Variants in TFR2 observed in about 807,000 individuals in gnomAD.
TFR2 encodes transferrin receptor 2.
TFR2 carries 64 observed loss-of-function variants against 91.9 expected under a neutral mutation model. The observed-to-expected ratio is 0.70, with a 90% CI of 0.57 to 0.86. The LOEUF is 0.86. Among genes scored for constraint, TFR2 ranks in the 40% least tolerant of loss-of-function variants. The pLI, the probability that TFR2 is intolerant of heterozygous loss-of-function variation, is 0.00. For synonymous variants in TFR2, 454 were observed against 459.6 expected (o/e 0.99, Z 0.15); for missense variants, 950 against 1,080.5 (o/e 0.88, Z 1.69).
intron 9 of TFR2, 52 bp from the exon 10 acceptor site, chr7:100,629,424 G>A: frequency 6.2e-7 from 1 of 1,610,242 alleles, no homozygotes; most frequent in South Asian, 1.1e-5. Context: ...CTGCACCCTG[G>A]GGGCATCCTC....
chr7:100,636,897 G>A (rs1364484128), intron 3 of TFR2, among the ~76,000 whole-genome samples: 1 of 151,954 alleles, frequency 6.6e-6, no homozygotes, highest in Non-Finnish European at 1.5e-5. Context: ...GCCACACCCC[G>A]CTTCTAGACC....
At chr7:100,626,617 T>C in intron 17 of TFR2, 146 bp downstream of exon 17, 1 of 1,464,066 alleles carries the variant, frequency 6.8e-7, no homozygotes, top group Non-Finnish European at 9.0e-7. Context: ...GCACTGCGTG[T>C]CCAGGACTGG....
intron 17 of TFR2, chr7:100,626,418 T>C: frequency 2.6e-6 from 3 of 1,146,212 alleles, no homozygotes; most frequent in Non-Finnish European, 3.2e-6. Context: ...GTGGACATGC[T>C]TTTTCTTTCC....
chr7:100,628,242 G>A lies in TFR2; in HGVS notation c.1455C>T (p.Gly485=). ...SWDGGDFGSV[G]STEWLEGYLS... ...GTATCACCTCTAGCCACTCCGTGGAGCCCACGCTTCCAAAGTCACCACCGT... is the reference window on the plus strand; with the variant it reads ...GTATCACCTCTAGCCACTCCGTGGAACCCACGCTTCCAAAGTCACCACCGT... The change falls in exon 11 of 18, where the codon GGC becomes GGT. Residue 485 remains glycine, a synonymous_variant. Coordinates refer to ENST00000223051, the MANE Select transcript of TFR2 (RefSeq NM_003227.4). 1 of 1,613,516 alleles carries A rather than the reference G, an allele frequency of 6.2e-7. No homozygotes were observed. The highest frequency in any genetic ancestry group is 8.5e-7 in the Non-Finnish European group (1 of 1,179,882).
At chr7:100,637,939 C>A (rs1175095551) in intron 3 of TFR2, among the ~76,000 whole-genome samples, 1 of 151,640 alleles carries the variant, frequency 6.6e-6, no homozygotes, top group Non-Finnish European at 1.5e-5. Flanking sequence ...TTAAGCGATT[C>A]TCCTGCTTCA....
In TFR2 at chr7:100,628,258, T is replaced by G; in HGVS notation, c.1439A>C (p.Asp480Ala). The change falls in exon 11 of 18, where the codon GAC becomes GCC. Residue 480 changes from aspartate (D) to alanine (A), a missense_variant. Physicochemically the swap from Asp to Ala is moderately radical, Grantham distance 126. Transcript: ENST00000223051. ...CTCCGTGGAGCCCACGCTTCCAAAG[T>G]CACCACCGTCCCAGCTGATGAAGAG... ...SLLFISWDGG[D>A]FGSVGSTEWL... 1 of 1,611,120 alleles carries G rather than the reference T, an allele frequency of 6.2e-7. No individual in the cohort carries two copies. The highest frequency in any genetic ancestry group is 8.5e-7 in the Non-Finnish European group (1 of 1,179,452).
rs1045712388 is a variant in TFR2, at chr7:100,637,207, C to G, written c.473+3479G>C. Reference sequence around the variant, plus strand: ...CTGAGGTCAGGAGTTCGAGACCAGACTGACCAACATGGAGAAACCCCATCT... The same window carrying G: ...CTGAGGTCAGGAGTTCGAGACCAGAGTGACCAACATGGAGAAACCCCATCT... On this transcript the variant is annotated intron_variant, in intron 3 of 17. Transcript: ENST00000223051. 2.0e-5 allele frequency among the ~76,000 whole-genome samples: 3 copies of G among 152,210 alleles called. No individual in the cohort carries two copies. The South Asian group carries it at 6.2e-4, about 32-fold the overall frequency.
chr7:100,633,642 G>C, intron 3 of TFR2, 86 bp from the exon 4 acceptor site: 1 of 1,489,192 alleles, frequency 6.7e-7, no homozygotes, highest in East Asian at 2.4e-5. Context: ...GGGGTCGCCA[G>C]GGGCAGGGGC....
chr7:100,627,732 C>T lies in TFR2; in HGVS notation c.1682+12G>A. On this transcript the variant is annotated intron_variant, in intron 14 of 17. Transcript: ENST00000223051. ...ACATCCCTCCCCAGCTCTCCCTACC[C>T]CCCCAACTTACACCTCAGCATCCCA... The T allele has an allele frequency of 6.2e-7, 1 of 1,613,990 alleles. No individual in the cohort carries two copies. Among genetic ancestry groups the T allele is most frequent in the Non-Finnish European group, 8.5e-7 (1 of 1,179,962 alleles).
At chr7:100,629,956 G>A (rs1036934258) in intron 9 of TFR2, among the ~76,000 whole-genome samples, 3 of 152,092 alleles carry the variant, frequency 2.0e-5, no homozygotes, top group African/African-American at 4.8e-5. Context: ...ATGTTAGCCA[G>A]GATGGTCTCG....
chr7:100,622,306 G>A (rs10247962), intron 17 of TFR2, among the ~76,000 whole-genome samples: 133,085 of 152,152 alleles, frequency 0.87, 58,539 homozygotes, highest in African/African-American at 0.96. Context: ...TCCCCACCCA[G>A]TGACCCACTG....
chr7:100,638,793 A>G (rs1168621303), intron 3 of TFR2, among the ~76,000 whole-genome samples: 2 of 151,882 alleles, frequency 1.3e-5, no homozygotes, highest in African/African-American at 2.4e-5. Context: ...AGTGGCACAC[A>G]TCTGTAGTCC....
intron 16 of TFR2, 39 bp from the exon 17 acceptor site, chr7:100,626,942 G>A (rs1282856125): frequency 9.9e-6 from 15 of 1,521,866 alleles, no homozygotes; most frequent in Non-Finnish European, 1.1e-5. Context: ...GGCGGCAGGG[G>A]CCAGGACCCC....
Position 100,627,927 on chromosome 7 carries a change from TGA to T in TFR2, c.1583_1584del (p.Leu528HisfsTer2). ...CTTGCCTGCTTCAGGACACTCTCAA[TGA>T]GACTTGTCAGAAGGGGGCTGGTCTT... ...HAKTSPLLTS[L>X]IESVLKQVDS... On this transcript the variant is annotated frameshift_variant, in exon 13 of 18. Coordinates refer to ENST00000223051, the MANE Select transcript of TFR2 (RefSeq NM_003227.4). LOFTEE classifies it high-confidence loss of function. 1 of 1,613,932 alleles carries T rather than the reference TGA, an allele frequency of 6.2e-7. No individual in the cohort carries two copies. The highest frequency in any genetic ancestry group is 8.5e-7 in the Non-Finnish European group (1 of 1,179,894).
intron 17 of TFR2, among the ~76,000 whole-genome samples, chr7:100,625,912 A>G (rs1341826105): frequency 1.3e-5 from 2 of 152,152 alleles, no homozygotes; most frequent in African/African-American, 4.8e-5. Flanking sequence ...CAAGGGGGAC[A>G]GGCAGAGGGC....
intron 1 of TFR2, 107 bp downstream of exon 1, chr7:100,641,370 G>T: frequency 6.6e-7 from 1 of 1,508,010 alleles, no homozygotes; most frequent in South Asian, 1.2e-5. Flanking sequence ...GTGGGAAGAA[G>T]CGAGGTCAGG....
At chr7:100,640,189 C>T (rs1307133820) in intron 3 of TFR2, 2 of 159,752 alleles carry the variant, frequency 1.3e-5, no homozygotes, top group African/African-American at 2.4e-5. Context: ...AGGCAATCCT[C>T]CCCCGTCAAG....
chr7:100,626,719 AGGGGCGGGACACTG>A (rs1803260841), intron 17 of TFR2, 30 bp downstream of exon 17: 3 of 1,358,994 alleles, frequency 2.2e-6, no homozygotes, highest in Non-Finnish European at 2.9e-6. Context: ...GCCCCAGGGG[AGGGGCGGGACACTG>A]GGGGCGGGGC....
intron 17 of TFR2, among the ~76,000 whole-genome samples, chr7:100,624,683 T>A (rs147942802): frequency 6.6e-6 from 1 of 151,986 alleles, no homozygotes; most frequent in African/African-American, 2.4e-5. Flanking sequence ...CTGGACAATA[T>A]AGTGAGATCC....
Sources: gnomAD v4.1 joint callset for allele counts (sites outside exome capture counted in the v4.1 genomes callset) on GRCh38, gnomAD v4.1.1 for gene constraint, MANE v1.5 for transcripts, NCBI Gene and HGNC (gene_info 2026-07-23, HGNC 2026-07-21) for gene names.